Variants in SRC observed in about 807,000 individuals in gnomAD.
The protein encoded by SRC is proto-oncogene tyrosine-protein kinase Src.
In SRC, 13 loss-of-function variants were observed where a neutral mutation model predicts 62.9. The ratio of observed to expected loss-of-function variants is 0.21; its 90% CI spans 0.13 to 0.33. The LOEUF is 0.33. Ranked by LOEUF, SRC falls within the 10% of genes least tolerant of loss-of-function variation. The probability of loss-of-function intolerance (pLI) is 1.00; values close to 1 mark genes in which losing one functional copy is unlikely to be tolerated. For synonymous variants in SRC, 302 were observed against 317.5 expected (o/e 0.95, Z 0.52); for missense variants, 457 against 737.3 (o/e 0.62, Z 4.40).
chr20:37,352,535 A>T (rs2146897307), intron 1 of SRC, among the ~76,000 whole-genome samples: 1 of 152,308 alleles, frequency 6.6e-6, no homozygotes, highest in East Asian at 1.9e-4. Flanking sequence ...GTGACCTAGC[A>T]TAGCCTCCCA....
intron 5 of SRC, among the ~76,000 whole-genome samples, chr20:37,389,107 A>C (rs2070504422): frequency 6.6e-6 from 1 of 152,158 alleles, no homozygotes; most frequent in Non-Finnish European, 1.5e-5. Context: ...TAGCAGACCC[A>C]GAGATCCCGC....
At chr20:37,373,556 C>G (rs973295296) in intron 2 of SRC, among the ~76,000 whole-genome samples, 1 of 152,204 alleles carries the variant, frequency 6.6e-6, no homozygotes, top group Non-Finnish European at 1.5e-5. Context: ...AACAACCCTC[C>G]TGCCTTGGCC....
chr20:37,401,111 C>A (rs1340327525), intron 10 of SRC, among the ~76,000 whole-genome samples: 1 of 152,102 alleles, frequency 6.6e-6, no homozygotes, highest in Non-Finnish European at 1.5e-5. Context: ...ATCTTCTCAT[C>A]TCAGCCTCTC....
At position 37,405,472 on chromosome 20, in the gene SRC, G is replaced by A. The variant is rs536150255; in HGVS notation, c.*2093G>A. ...TGTGTGCTGGAAAGCGAGATGGGGC[G>A]GAATGCGAGAACAAACTACCCCTTG... On this transcript the variant is annotated 3_prime_UTR_variant, in exon 14 of 14. Coordinates refer to ENST00000373578, the MANE Select transcript of SRC (RefSeq NM_198291.3). 20 of 186,054 alleles carry A rather than the reference G, an allele frequency of 1.1e-4. No individual in the cohort carries two copies. Among genetic ancestry groups the A allele is most frequent in the Middle Eastern group, 4.0e-3 (2 of 496 alleles). The allele number at this position is 186,054 out of a possible 1,614,324, so 11.5% of individuals were successfully genotyped here. A position where few individuals can be genotyped will look rare whatever the true frequency, so the allele number is the denominator to read the frequency against.
In SRC at chr20:37,400,334, C is replaced by T. The variant is rs201595473; in HGVS notation, c.1039+40C>T. 3.9e-4 allele frequency: 607 copies of T among 1,556,148 alleles called. No homozygotes were observed. The African/African-American group carries it at 5.7e-3, about 15-fold the overall frequency. ...GCCGGGGCAGGGGGCAGGGGCACTC[C>T]GGACAGGGCAGGGAGCATGAGCCTC... On this transcript the variant is annotated intron_variant, in intron 10 of 13. Coordinates refer to ENST00000373578, the MANE Select transcript of SRC (RefSeq NM_198291.3).
At chr20:37,360,221 T>C (rs1417151518) in intron 1 of SRC, among the ~76,000 whole-genome samples, 3 of 133,430 alleles carry the variant, frequency 2.2e-5, no homozygotes, top group African/African-American at 3.2e-5. Flanking sequence ...TCTCTCTCTT[T>C]TTTTTTTTTT....
chr20:37,386,310 G>GC, intron 5 of SRC, 136 bp downstream of exon 5: 3 of 875,838 alleles, frequency 3.4e-6, no homozygotes, highest in East Asian at 2.5e-5. Context: ...GCAGTGTGGA[G>GC]GCAGGCGCCT....
intron 9 of SRC, among the ~76,000 whole-genome samples, chr20:37,399,317 T>C (rs2070703366): frequency 6.6e-6 from 1 of 152,142 alleles, no homozygotes; most frequent in African/African-American, 2.4e-5. Flanking sequence ...GTGTCTCATT[T>C]TGGGGGGCGG....
At chr20:37,348,623 T>C (rs1455735896) in intron 1 of SRC, among the ~76,000 whole-genome samples, 1 of 151,988 alleles carries the variant, frequency 6.6e-6, no homozygotes, top group African/African-American at 2.4e-5. Context: ...AGCTCTTTTT[T>C]CCCTTCCCAG....
At chr20:37,361,497 T>A (rs1445615082) in intron 1 of SRC, among the ~76,000 whole-genome samples, 2 of 152,160 alleles carry the variant, frequency 1.3e-5, no homozygotes, top group African/African-American at 4.8e-5. Flanking sequence ...CACTAGGCGC[T>A]CCTGCCCACC....
intron 1 of SRC, among the ~76,000 whole-genome samples, chr20:37,357,927 C>A (rs907954602): frequency 6.6e-6 from 1 of 151,948 alleles, no homozygotes; most frequent in Non-Finnish European, 1.5e-5. Context: ...AAGGGGCAGG[C>A]GGCTGGTGTG....
intron 2 of SRC, among the ~76,000 whole-genome samples, chr20:37,374,031 G>T (rs1171095961): frequency 1.4e-5 from 2 of 147,898 alleles, no homozygotes; most frequent in African/African-American, 5.0e-5. Context: ...AAAAACTTGG[G>T]TTTTTTTTTA....
chr20:37,379,253 G>A (rs2096983832), intron 2 of SRC, among the ~76,000 whole-genome samples: 1 of 152,090 alleles, frequency 6.6e-6, no homozygotes, highest in Admixed American at 6.5e-5. Context: ...CCCCATTGTG[G>A]GGCCCCCACT....
Position 37,396,974 on chromosome 20 carries a change from C to T in SRC, c.703+663C>T, listed in dbSNP as rs1169715854. Among the ~76,000 whole-genome samples the T allele has an allele frequency of 6.6e-6, 1 of 152,154 alleles. No homozygotes were observed. Among genetic ancestry groups the T allele is most frequent in the Non-Finnish European group, 1.5e-5 (1 of 68,022 alleles). On this transcript the variant is annotated intron_variant, in intron 8 of 13. Transcript: ENST00000373578. The surrounding 1 kb of genome is among the most constrained non-coding windows in gnomAD (Gnocchi z 6.1). Reference sequence around the variant, plus strand: ...CCTCCTGACTTCCTCTGGGATCACCCGCCACTCTCTGTCTCTTCGGCCACC... The same window carrying T: ...CCTCCTGACTTCCTCTGGGATCACCTGCCACTCTCTGTCTCTTCGGCCACC...
At chr20:37,362,687 G>A (rs543422965) in intron 1 of SRC, among the ~76,000 whole-genome samples, 11 of 147,968 alleles carry the variant, frequency 7.4e-5, no homozygotes, top group Admixed American at 6.7e-4. Flanking sequence ...TACCCACCCC[G>A]TTACGGGGCG....
At chr20:37,361,751 AC>A (rs1406585908) in intron 1 of SRC, among the ~76,000 whole-genome samples, 1 of 152,042 alleles carries the variant, frequency 6.6e-6, no homozygotes. Context: ...CTCTCCTGAC[AC>A]TGAGCAGGGG....
intron 1 of SRC, among the ~76,000 whole-genome samples, chr20:37,355,910 G>A (rs1191595279): frequency 1.3e-5 from 2 of 152,212 alleles, no homozygotes; most frequent in East Asian, 1.9e-4. Flanking sequence ...ATCAGGCAGA[G>A]CCTCAAACCC....
At chr20:37,375,908 G>C (rs949001993) in intron 2 of SRC, among the ~76,000 whole-genome samples, 15 of 152,190 alleles carry the variant, frequency 9.9e-5, no homozygotes, top group African/African-American at 3.4e-4. Flanking sequence ...CCTTCTTAAT[G>C]TGTCCTCACA....
At chr20:37,394,839 G>A (rs576418687) in intron 7 of SRC, among the ~76,000 whole-genome samples, 1 of 152,180 alleles carries the variant, frequency 6.6e-6, no homozygotes, top group African/African-American at 2.4e-5. Flanking sequence ...GGGAAGCAGA[G>A]CATCCATGTC....
Sources: allele counts gnomAD v4.1 joint callset (sites outside exome capture counted in the v4.1 genomes callset), GRCh38; gene constraint gnomAD v4.1.1; non-coding constraint Gnocchi (gnomAD v3.1); transcripts MANE v1.5; gene names NCBI Gene and HGNC (gene_info 2026-07-23, HGNC 2026-07-21).